The following TLR2 variants were observed in gnomAD, a reference collection of about 807,000 sequenced individuals.
The protein encoded by TLR2 is toll like receptor 2.
Under a neutral mutation model 9.1 loss-of-function variants are expected in TLR2, and 7 were observed. The ratio of observed to expected loss-of-function variants is 0.77; its 90% CI spans 0.44 to 1.44. The LOEUF (loss-of-function observed/expected upper bound fraction) is 1.44, where lower values mean the gene tolerates loss of function less well. TLR2 is among the 40% of genes most tolerant of loss of function. TLR2 has a pLI of 0.01. For missense variants in TLR2, 812 were observed against 904.6 expected (o/e 0.90, Z 1.31); for synonymous variants, 317 against 344.6 (o/e 0.92, Z 0.89).
At chr4:153,696,997 G>C (rs2127042137) in intron 2 of TLR2, among the ~76,000 whole-genome samples, 1 of 152,098 alleles carries the variant, frequency 6.6e-6, no homozygotes, top group East Asian at 1.9e-4. Flanking sequence ...GTTTTGTTTT[G>C]TTAAGGAAAA....
intron 1 of TLR2, among the ~76,000 whole-genome samples, chr4:153,684,804 G>C (rs886718247): frequency 6.6e-6 from 1 of 152,150 alleles, no homozygotes. Context: ...CCTCCCTCGG[G>C]AGGCCGAGGG....
chr4:153,703,597 A>T lies in TLR2; in HGVS notation c.690A>T (p.Arg230=). ...GTTCCGTGGAATGTTTGGAACTGCG[A>T]GATACTGATTTGGACACTTTCCATT... ...VTSSVECLEL[R]DTDLDTFHFS... is the part of the protein sequence containing the mutation. Residue 230 remains arginine, a synonymous_variant, in exon 3 of 3, where the codon CGA becomes CGT. Transcript: ENST00000642700. 1 of 1,614,140 alleles carries T rather than the reference A, an allele frequency of 6.2e-7. No individual in the cohort carries two copies. Among genetic ancestry groups the T allele is most frequent in the Non-Finnish European group, 8.5e-7 (1 of 1,180,010 alleles).
At chr4:153,694,136 C>G (rs957105526) in intron 2 of TLR2, among the ~76,000 whole-genome samples, 2 of 152,222 alleles carry the variant, frequency 1.3e-5, no homozygotes, top group African/African-American at 4.8e-5. Context: ...GTATTCCTTA[C>G]AGGAAACAAA....
At chr4:153,689,083 C>G (rs1735921655) in intron 2 of TLR2, among the ~76,000 whole-genome samples, 1 of 152,220 alleles carries the variant, frequency 6.6e-6, no homozygotes, top group Non-Finnish European at 1.5e-5. Flanking sequence ...TCTGCAGCTC[C>G]TTCAAGCACT....
Position 153,704,890 on chromosome 4 carries a change from G to T in TLR2, c.1983G>T (p.Gln661His). Residue 661 changes from glutamine (Q) to histidine (H), a missense_variant, in exon 3 of 3, where the codon CAG becomes CAT. Transcript: ENST00000642700. ...ACTGGGTGGAGAACCTTATGGTCCA[G>T]GAGCTGGAGAACTTCAATCCCCCCT... ...DAYWVENLMV[Q>H]ELENFNPPFK... The T allele has an allele frequency of 6.2e-7, 1 of 1,613,650 alleles. No homozygotes were observed. Among genetic ancestry groups the T allele is most frequent in the Non-Finnish European group, 8.5e-7 (1 of 1,180,022 alleles).
At chr4:153,710,374 C>T (rs183382030), downstream of TLR2, 1 of 1,553,910 alleles carries the variant, frequency 6.4e-7, no homozygotes, top group Admixed American at 2.0e-5. Context: ...CTGTCCTATT[C>T]CAGCCCTAGT....
At position 153,703,237 on chromosome 4, in the gene TLR2, T is replaced by C. The variant is rs1316348061; in HGVS notation, c.330T>C (p.Asn110=). 8.1e-6 allele frequency: 13 copies of C among 1,614,036 alleles called. No homozygotes were observed. The highest frequency in any genetic ancestry group is 2.2e-5 in the East Asian group (1 of 44,888). ...GSLEHLDLSY[N]YLSNLSSSWF... is the part of the protein sequence containing the mutation. ...TTGAACATTTAGACTTATCCTATAA[T>C]TACTTATCTAATTTATCGTCTTCCT... The change falls in exon 3 of 3, where the codon AAT becomes AAC. Residue 110 remains asparagine (N), a synonymous_variant. Transcript: ENST00000642700.
At chr4:153,693,863 A>G (rs1463819261) in intron 2 of TLR2, among the ~76,000 whole-genome samples, 4 of 152,150 alleles carry the variant, frequency 2.6e-5, no homozygotes, top group African/African-American at 9.7e-5. Flanking sequence ...ACGTTTTCCA[A>G]CCATTGCTCC....
At chr4:153,702,865 A>G (rs1297709045) in intron 2 of TLR2, 27 bp from the exon 3 acceptor site, 1 of 1,544,866 alleles carries the variant, frequency 6.5e-7, no homozygotes, top group African/African-American at 1.4e-5. Context: ...AAACACAATG[A>G]CTTATTTGAA....
chr4:153,702,732 C>G, intron 2 of TLR2, 160 bp from the exon 3 acceptor site: 1 of 653,616 alleles, frequency 1.5e-6, no homozygotes, highest in East Asian at 2.8e-5. Flanking sequence ...TTCATTCGTT[C>G]CATTCATCTG....
At chr4:153,689,968 G>A (rs896662164) in intron 2 of TLR2, among the ~76,000 whole-genome samples, 7 of 152,222 alleles carry the variant, frequency 4.6e-5, no homozygotes, top group African/African-American at 1.4e-4. Flanking sequence ...GGGTCCTCGG[G>A]ATCCTCCCAG....
intron 2 of TLR2, among the ~76,000 whole-genome samples, chr4:153,699,982 C>G (rs1736771936): frequency 6.6e-6 from 1 of 152,080 alleles, no homozygotes; most frequent in Non-Finnish European, 1.5e-5. Flanking sequence ...GTTCTGCAGG[C>G]TGTACAAGCA....
intron 2 of TLR2, chr4:153,688,564 A>G (rs542283929): frequency 9.8e-5 from 15 of 152,614 alleles, no homozygotes; most frequent in African/African-American, 3.6e-4. Flanking sequence ...TAGATTATAG[A>G]TTAACTAAAA....
chr4:153,694,777 C>T (rs892713310), intron 2 of TLR2, among the ~76,000 whole-genome samples: 1 of 152,128 alleles, frequency 6.6e-6, no homozygotes, highest in Non-Finnish European at 1.5e-5. Context: ...TTCATTTTAT[C>T]TAAGTATATT....
downstream of TLR2, among the ~76,000 whole-genome samples, chr4:153,706,913 C>T (rs1032222148): frequency 6.6e-6 from 1 of 152,112 alleles, no homozygotes; most frequent in South Asian, 2.1e-4. Context: ...AGCCTAAGCT[C>T]CTTGATTCCC....
At chr4:153,695,306 GT>G (rs368519723) in intron 2 of TLR2, among the ~76,000 whole-genome samples, 4 of 152,138 alleles carry the variant, frequency 2.6e-5, no homozygotes, top group African/African-American at 9.7e-5. Flanking sequence ...AGTGTACAGG[GT>G]TCTGTTTTCT....
At chr4:153,710,344 T>G (rs1362943952), downstream of TLR2, 2 of 1,536,036 alleles carry the variant, frequency 1.3e-6, no homozygotes, top group East Asian at 4.9e-5. Flanking sequence ...AACCATGCAG[T>G]ATGTTGCTTC....
rs1737315840 is a variant in TLR2 at position 153,706,100 on chromosome 4, G to A, written c.*838G>A. On this transcript the variant is annotated 3_prime_UTR_variant, in exon 3 of 3. Coordinates refer to ENST00000642700, the MANE Select transcript of TLR2 (RefSeq NM_001318789.2). ...CTTTACAGGATGAGAAATACTAGAG[G>A]GTGTATTTTCATGTGATCTGGATCT... Among the ~76,000 whole-genome samples the A allele has an allele frequency of 6.6e-6, 1 of 152,218 alleles. No individual in the cohort carries two copies. Among genetic ancestry groups the A allele is most frequent in the South Asian group, 2.1e-4 (1 of 4,836 alleles).
chr4:153,690,194 C>A (rs964351600), intron 2 of TLR2, among the ~76,000 whole-genome samples: 6 of 152,242 alleles, frequency 3.9e-5, no homozygotes, highest in African/African-American at 1.4e-4. Context: ...TCTTCAGCTG[C>A]TGATAGCATC....
Sources: allele counts gnomAD v4.1 joint callset (sites outside exome capture counted in the v4.1 genomes callset), GRCh38; gene constraint gnomAD v4.1.1; transcripts MANE v1.5; gene names NCBI Gene and HGNC (gene_info 2026-07-23, HGNC 2026-07-21).